CCDC110: variants seen among roughly 807,000 people sequenced by gnomAD.
CCDC110 encodes the protein coiled-coil domain-containing protein 110.
A neutral mutation model predicts 77.1 loss-of-function variants in CCDC110; 70 were observed. The observed-to-expected ratio is 0.91, with a 90% confidence interval of 0.75 to 1.11. The LOEUF (loss-of-function observed/expected upper bound fraction) is 1.11. Ranked by LOEUF, CCDC110 falls within the 50% of genes least tolerant of loss-of-function variation. CCDC110 has a pLI of 0.00. For synonymous variants in CCDC110, 295 were observed against 312.5 expected (o/e 0.94, Z 0.59); for missense variants, 868 against 942.9 (o/e 0.92, Z 1.04).
chr4:185,445,676 G>T (rs1283907471), intron 6 of CCDC110, 134 bp from the exon 7 acceptor site: 2 of 565,904 alleles, frequency 3.5e-6, no homozygotes, highest in South Asian at 2.5e-5. Flanking sequence ...AACTGAAAAA[G>T]TTCTTTGGAG....
chr4:185,449,346 C>T, intron 6 of CCDC110, among the ~76,000 whole-genome samples: 1 of 152,032 alleles, frequency 6.6e-6, no homozygotes, highest in East Asian at 1.9e-4. Context: ...CATGGCAAAA[C>T]TCTGTCTCTA....
Position 185,460,704 on chromosome 4 carries a change from A to G in CCDC110, c.348+345T>C, listed in dbSNP as rs543457917. Reference sequence around the variant, plus strand: ...AGTCAGTGTGGACACAGTGATGGTAACTTTGGTTTGGAGCTTTTCTAGGGA... The same window carrying G: ...AGTCAGTGTGGACACAGTGATGGTAGCTTTGGTTTGGAGCTTTTCTAGGGA... On this transcript the variant is annotated intron_variant, in intron 5 of 6. Coordinates refer to ENST00000307588, the MANE Select transcript of CCDC110 (RefSeq NM_152775.4). Among the ~76,000 whole-genome samples the G allele has an allele frequency of 2.6e-5, 4 of 152,268 alleles. 1 individual carries two copies. In the South Asian group the frequency reaches 8.3e-4, roughly 32 times the overall value.
intron 6 of CCDC110, chr4:185,449,732 G>A: frequency 5.8e-6 from 5 of 866,580 alleles, no homozygotes; most frequent in Non-Finnish European, 8.6e-6. Flanking sequence ...AAGATGTTAT[G>A]GAGCAGATAG....
At chr4:185,451,432 C>G (rs2095629082) in intron 6 of CCDC110, among the ~76,000 whole-genome samples, 1 of 152,112 alleles carries the variant, frequency 6.6e-6, no homozygotes, top group Non-Finnish European at 1.5e-5. Flanking sequence ...ATATAGCTGG[C>G]TTTTGAAGGA....
intron 6 of CCDC110, among the ~76,000 whole-genome samples, chr4:185,455,754 G>T (rs573809025): frequency 3.9e-5 from 6 of 152,132 alleles, no homozygotes; most frequent in Non-Finnish European, 8.8e-5. Flanking sequence ...ATGGTAGTAG[G>T]CGCCTGTAAT....
chr4:185,449,452 G>A, intron 6 of CCDC110: 2 of 512,436 alleles, frequency 3.9e-6, no homozygotes, highest in South Asian at 6.6e-5. Flanking sequence ...AAGCCTAGGA[G>A]GTTGAGGTTG....
In CCDC110 at chr4:185,459,756, C is replaced by T. The variant is rs749606808; in HGVS notation, c.831G>A (p.Arg277=). The T allele has an allele frequency of 6.2e-7, 1 of 1,613,724 alleles. No individual in the cohort carries two copies. Among genetic ancestry groups the T allele is most frequent in the East Asian group, 2.2e-5 (1 of 44,832 alleles). Residue 277 remains arginine, a synonymous_variant, in exon 6 of 7, where the codon AGG becomes AGA. Coordinates refer to ENST00000307588, the MANE Select transcript of CCDC110 (RefSeq NM_152775.4). ...TAGGGGACATGTCATATTTACCATT[C>T]CTGTGAACATCTGGATCAGTTTGTA... ...QTLQTDPDVH[R]NGKYDMSPIH...
Position 185,471,701 on chromosome 4 carries a change from C to T in CCDC110, c.-18G>A, listed in dbSNP as rs1422070496. ...GGGCTCATCGCCGCGGCTCATCTCT[C>T]TCGCAACCGCCGCCGCACGCACCCG... On this transcript the variant is annotated 5_prime_UTR_variant, in exon 1 of 7. Transcript: ENST00000307588. The T allele has an allele frequency of 3.9e-6, 6 of 1,540,998 alleles. No individual in the cohort carries two copies. The highest frequency in any genetic ancestry group is 3.5e-6 in the Non-Finnish European group (4 of 1,147,868).
At chr4:185,453,693 T>TGCCACCAC (rs1331021575) in intron 6 of CCDC110, among the ~76,000 whole-genome samples, 3 of 151,926 alleles carry the variant, frequency 2.0e-5, no homozygotes, top group Non-Finnish European at 4.4e-5. Context: ...CAGAGGCATA[T>TGCCACCAC]GCCACCACAC....
In CCDC110 at chr4:185,455,721, A is replaced by G. The variant is rs575817924; in HGVS notation, c.2461+2405T>C. On this transcript the variant is annotated intron_variant, in intron 6 of 6. Transcript: ENST00000307588. Reference sequence around the variant, plus strand: ...AACATGGTGAAACCCCGTCTTTACTAAAAATACAAAAATTAGCCGGGCATG... The same window carrying G: ...AACATGGTGAAACCCCGTCTTTACTGAAAATACAAAAATTAGCCGGGCATG... 8.5e-5 allele frequency among the ~76,000 whole-genome samples: 13 copies of G among 152,178 alleles called. No individual in the cohort carries two copies. In the East Asian group the frequency reaches 2.1e-3, roughly 25 times the overall value.
intron 2 of CCDC110, among the ~76,000 whole-genome samples, chr4:185,463,414 A>G (rs2095650022): frequency 6.6e-6 from 1 of 152,200 alleles, no homozygotes; most frequent in South Asian, 2.1e-4. Flanking sequence ...TACAGGCCTC[A>G]ATTTCTGTGA....
Position 185,458,355 on chromosome 4 carries a change from T to C in CCDC110, c.2232A>G (p.Ile744Met). 6.3e-7 allele frequency: 1 copy of C among 1,587,630 alleles called. No homozygotes were observed. The highest frequency in any genetic ancestry group is 8.5e-7 in the Non-Finnish European group (1 of 1,171,776). Reference sequence around the variant, plus strand: ...TGCTTCTTACGTAATTTTCTAAAAGTATTTTGTCTTCAGTAAGTCTACTGA... The same window carrying C: ...TGCTTCTTACGTAATTTTCTAAAAGCATTTTGTCTTCAGTAAGTCTACTGA... The part of the protein sequence containing the change: ...NSISRLTEDK[I>M]LLENYVRSIE... The change falls in exon 6 of 7, where the codon ATA becomes ATG. Residue 744 changes from isoleucine (I) to methionine (M), a missense_variant. By Grantham distance (10) the Ile-to-Met change is conservative (BLOSUM62 1). Transcript: ENST00000307588.
chr4:185,470,447 T>C, intron 2 of CCDC110: 1 of 346,600 alleles, frequency 2.9e-6, no homozygotes. Flanking sequence ...GTGGTACTGT[T>C]ATTTTTAAAA....
At chr4:185,445,924 C>G (rs1032011580) in intron 6 of CCDC110, among the ~76,000 whole-genome samples, 24 of 152,170 alleles carry the variant, frequency 1.6e-4, no homozygotes, top group African/African-American at 5.8e-4. Flanking sequence ...CCACCATAAC[C>G]TCCACCTCCC....
chr4:185,451,133 T>C (rs991944642), intron 6 of CCDC110, among the ~76,000 whole-genome samples: 75 of 152,320 alleles, frequency 4.9e-4, no homozygotes, highest in Non-Finnish European at 8.8e-4. Flanking sequence ...TTCTCTCTTT[T>C]CTGCCACCAT....
At chr4:185,456,348 C>T (rs1368133586) in intron 6 of CCDC110, among the ~76,000 whole-genome samples, 3 of 150,394 alleles carry the variant, frequency 2.0e-5, no homozygotes, top group South Asian at 4.3e-4. Context: ...AATGCAGGTA[C>T]GAAACTAGGG....
chr4:185,453,553 T>G (rs921913122), intron 6 of CCDC110, among the ~76,000 whole-genome samples: 14 of 151,664 alleles, frequency 9.2e-5, no homozygotes, highest in Admixed American at 9.2e-4. Context: ...CTTTTTTTTT[T>G]TTTTTTTTTC....
At chr4:185,466,463 G>C (rs1192339179) in intron 2 of CCDC110, among the ~76,000 whole-genome samples, 1 of 152,210 alleles carries the variant, frequency 6.6e-6, no homozygotes, top group Non-Finnish European at 1.5e-5. Flanking sequence ...TGCTTGAGGA[G>C]AGAATGGAAT....
intron 6 of CCDC110, among the ~76,000 whole-genome samples, chr4:185,446,810 G>A (rs1424331886): frequency 2.0e-5 from 3 of 152,076 alleles, no homozygotes. Context: ...TTATCTTCTG[G>A]TTTCATGGGG....
Sources: allele counts gnomAD v4.1 joint callset (sites outside exome capture counted in the v4.1 genomes callset), GRCh38; gene constraint gnomAD v4.1.1; transcripts MANE v1.5; gene names NCBI Gene and HGNC (gene_info 2026-07-23, HGNC 2026-07-21).